IL27RA: variants seen among roughly 807,000 people sequenced by gnomAD.
IL27RA encodes the protein interleukin 27 receptor subunit alpha, also known as interleukin-27 receptor subunit alpha.
IL27RA carries 61 observed loss-of-function variants against 80.8 expected under a neutral mutation model. The ratio of observed to expected loss-of-function variants is 0.76; its 90% CI spans 0.61 to 0.93. The LOEUF is 0.93. IL27RA is among the 40% of genes least tolerant of loss of function. The pLI is 0.00. For missense variants in IL27RA, 735 were observed against 808.1 expected (o/e 0.91, Z 1.10); for synonymous variants, 316 against 332.5 (o/e 0.95, Z 0.54).
At chr19:14,048,904 C>T in intron 8 of IL27RA, 77 bp from the exon 9 acceptor site, 4 of 1,243,114 alleles carry the variant, frequency 3.2e-6, no homozygotes, top group Non-Finnish European at 4.7e-6. Flanking sequence ...CTTCTGGGGA[C>T]CCCAGTGAAG....
chr19:14,049,168 G>A lies in IL27RA; in HGVS notation c.1256G>A (p.Gly419Glu). 1 of 1,613,944 alleles carries A rather than the reference G, an allele frequency of 6.2e-7. No individual in the cohort carries two copies. Among genetic ancestry groups the A allele is most frequent in the South Asian group, 1.1e-5 (1 of 91,078 alleles). Residue 419 changes from glycine (G) to glutamate (E), a missense_variant, in exon 10 of 14, where the codon GGG becomes GAG. Coordinates refer to ENST00000263379, the MANE Select transcript of IL27RA (RefSeq NM_004843.4). ...GFREELAPLVGPTLWRLQDAP... is the reference protein window; with the variant it reads ...GFREELAPLVEPTLWRLQDAP... ...CCTTCCTCCCCAGCACCCCTAGTGG[G>A]GCCAACGCTTTGGCGACTCCAAGAT... is the stretch of plus-strand genomic sequence containing the variant.
At chr19:14,044,491 G>A (rs1007902195) in intron 6 of IL27RA, among the ~76,000 whole-genome samples, 1 of 151,832 alleles carries the variant, frequency 6.6e-6, no homozygotes, top group African/African-American at 2.4e-5. Flanking sequence ...CTGCCCACTC[G>A]GCCTCCCAAA....
In IL27RA at chr19:14,049,109, G is replaced by T. The variant is rs773035382; in HGVS notation, c.1243+27G>T. ...TAAGAGTGGGGCTGGAGGATGGGGG[G>T]GCTTCTGTAACCCAGGCCGACCTTG... On this transcript the variant is annotated intron_variant, in intron 9 of 13. Transcript: ENST00000263379. 5.0e-6 allele frequency: 8 copies of T among 1,612,312 alleles called. No homozygotes were observed. The African/African-American group carries it at 5.3e-5, about 11-fold the overall frequency.
intron 1 of IL27RA, 34 bp from the exon 2 acceptor site, chr19:14,032,352 C>T (rs1599544506): frequency 1.3e-6 from 2 of 1,519,418 alleles, no homozygotes; most frequent in Admixed American, 1.8e-5. Flanking sequence ...GGGATTCGAC[C>T]CCCTTTCCTG....
rs1454928021 is a variant in IL27RA at position 14,051,919 on chromosome 19, C to T, written c.1662C>T (p.Val554=). The T allele has an allele frequency of 6.3e-7, 1 of 1,588,268 alleles. No homozygotes were observed. The highest frequency in any genetic ancestry group is 1.3e-5 in the African/African-American group (1 of 74,584). The change falls in exon 13 of 14, where the codon GTC becomes GTT. Residue 554 remains valine (V), a synonymous_variant. Coordinates refer to ENST00000263379, the MANE Select transcript of IL27RA (RefSeq NM_004843.4). ...HLRHKVLPRW[V]WEKVPDPANS... ...GGCACAAAGTGCTGCCCCGCTGGGTCTGGGAGAAAGTTCCTGATCCTGCCA... is the reference window on the plus strand; with the variant it reads ...GGCACAAAGTGCTGCCCCGCTGGGTTTGGGAGAAAGTTCCTGATCCTGCCA...
In IL27RA at chr19:14,050,749, G is replaced by GA; in HGVS notation, c.1403-9_1403-8insA. The GA allele has an allele frequency of 6.2e-7, 1 of 1,607,712 alleles. No individual in the cohort carries two copies. Among genetic ancestry groups the GA allele is most frequent in the South Asian group, 1.1e-5 (1 of 90,672 alleles). ...CCACCTCCCCAACTTCTTTGGTTGTGTTCTCCAGTGAGTGGCAACACACAG... is the reference window on the plus strand; with the variant it reads ...CCACCTCCCCAACTTCTTTGGTTGTGATTCTCCAGTGAGTGGCAACACACAG... On this transcript the variant is annotated splice_polypyrimidine_tract_variant and intron_variant, in intron 10 of 13. Transcript: ENST00000263379.
chr19:14,038,567 TAAAAAAAAAAAA>T (rs34678070), intron 2 of IL27RA, among the ~76,000 whole-genome samples: 64 of 101,002 alleles, frequency 6.3e-4, no homozygotes, highest in African/African-American at 2.1e-3. Flanking sequence ...GTCGTGTCTC[TAAAAAAAAAAAA>T]AAAAAAAAAG....
At chr19:14,051,809 T>C in intron 12 of IL27RA, 71 bp from the exon 13 acceptor site, 1 of 1,443,298 alleles carries the variant, frequency 6.9e-7, no homozygotes, top group Non-Finnish European at 9.6e-7. Context: ...GTCACATTCA[T>C]GAACCCTGCA....
chr19:14,035,058 A>C (rs751161231), intron 2 of IL27RA, among the ~76,000 whole-genome samples: 1 of 148,352 alleles, frequency 6.7e-6, no homozygotes, highest in African/African-American at 2.5e-5. Context: ...GCAGTGGGGC[A>C]GTCAGTTCAC....
At chr19:14,051,165 G>T (rs1166891461) in intron 11 of IL27RA, among the ~76,000 whole-genome samples, 1 of 152,004 alleles carries the variant, frequency 6.6e-6, no homozygotes, top group South Asian at 2.1e-4. Context: ...CTCGAGGATC[G>T]CTTGAGCCCA....
At position 14,050,680 on chromosome 19, in the gene IL27RA, A is replaced by C. The variant is rs1976147696; in HGVS notation, c.1403-78A>C. On this transcript the variant is annotated intron_variant, in intron 10 of 13. Coordinates refer to ENST00000263379, the MANE Select transcript of IL27RA (RefSeq NM_004843.4). ...GTGGATACCTGGGAGAGAGTGTTGC[A>C]GACAGCAGGAAGAGCACATGCAAAG... 5 of 1,471,168 alleles carry C rather than the reference A, an allele frequency of 3.4e-6. No individual in the cohort carries two copies. In the South Asian group the frequency reaches 5.2e-5, roughly 15 times the overall value. 91.1% of individuals were successfully genotyped at this position (1,471,168 alleles called of 1,614,324 possible).
At chr19:14,048,699 G>GT (rs1167574594) in intron 8 of IL27RA, among the ~76,000 whole-genome samples, 2 of 152,224 alleles carry the variant, frequency 1.3e-5, no homozygotes, top group East Asian at 3.9e-4. Flanking sequence ...CCCCAGCTCC[G>GT]TCCCCCTGAG....
chr19:14,041,993 G>A (rs1975995151), intron 4 of IL27RA, among the ~76,000 whole-genome samples: 2 of 152,128 alleles, frequency 1.3e-5, no homozygotes, highest in African/African-American at 4.8e-5. Context: ...GAGGTCAGGA[G>A]ATCGAGACCA....
intron 6 of IL27RA, among the ~76,000 whole-genome samples, chr19:14,045,245 C>T (rs368897093): frequency 2.0e-5 from 3 of 150,166 alleles, no homozygotes; most frequent in East Asian, 2.0e-4. Context: ...TATGATTGCA[C>T]CACCGCACTT....
intron 10 of IL27RA, among the ~76,000 whole-genome samples, 196 bp downstream of exon 10, chr19:14,049,510 C>T (rs780322187): frequency 4.6e-5 from 7 of 151,622 alleles, no homozygotes; most frequent in African/African-American, 7.3e-5. Flanking sequence ...TATTTATTGA[C>T]ATTGAAAGAT....
chr19:14,052,348 AC>A lies in IL27RA; in HGVS notation c.*62del, dbSNP rs1976188732. 1.6e-5 allele frequency: 22 copies of A among 1,343,042 alleles called. No homozygotes were observed. In the South Asian group the frequency reaches 3.2e-4, roughly 20 times the overall value. 83.2% of individuals were successfully genotyped at this position (1,343,042 alleles called of 1,614,324 possible). A position where few individuals can be genotyped will look rare whatever the true frequency, so the allele number is the denominator to read the frequency against. On this transcript the variant is annotated 3_prime_UTR_variant, in exon 14 of 14. Transcript: ENST00000263379. The stretch of plus-strand genomic sequence containing the variant: ...CTAGAGGGATGCTCATGCAGGTTGC[AC>A]CCCAGTCCTGGATTAGCCCTCTTGA...
Position 14,052,553 on chromosome 19 carries a change from A to C in IL27RA, c.*263A>C. ...TTGAGAGTGGCAGCTGCCTGCCAAA[A>C]TCTGTTCCGCTGTAACAGAACTGAA... On this transcript the variant is annotated 3_prime_UTR_variant, in exon 14 of 14. Transcript: ENST00000263379. 3 of 389,780 alleles carry C rather than the reference A, an allele frequency of 7.7e-6. No homozygotes were observed. Among genetic ancestry groups the C allele is most frequent in the East Asian group, 4.2e-5 (1 of 23,886 alleles). 24.1% of individuals were successfully genotyped at this position (389,780 alleles called of 1,614,324 possible).
chr19:14,046,055 T>C, intron 6 of IL27RA, 99 bp from the exon 7 acceptor site: 1 of 1,132,668 alleles, frequency 8.8e-7, no homozygotes, highest in Admixed American at 2.3e-5. Flanking sequence ...AAACAAAAAA[T>C]GCTTCACTGA....
intron 1 of IL27RA, 40 bp from the exon 2 acceptor site, chr19:14,032,345 AT>A (rs757599280): frequency 3.6e-5 from 52 of 1,448,776 alleles, no homozygotes; most frequent in Non-Finnish European, 4.3e-5. Flanking sequence ...GAAGGGGGGG[AT>A]TCGACCCCCT....
Sources: gnomAD v4.1 joint callset for allele counts (sites outside exome capture counted in the v4.1 genomes callset) on GRCh38, gnomAD v4.1.1 for gene constraint, MANE v1.5 for transcripts, NCBI Gene and HGNC (gene_info 2026-07-23, HGNC 2026-07-21) for gene names.